Variants in CAMK2D observed in about 807,000 individuals in gnomAD.
The protein encoded by CAMK2D is calcium/calmodulin dependent protein kinase II delta, also known as calcium/calmodulin-dependent protein kinase type II subunit delta.
CAMK2D carries 37 observed loss-of-function variants against 84.0 expected under a neutral mutation model. The observed-to-expected ratio is 0.44, with a 90% CI of 0.34 to 0.58. The LOEUF is 0.58. CAMK2D is among the 20% of genes least tolerant of loss of function. CAMK2D has a pLI of 0.02. For synonymous variants in CAMK2D, 202 were observed against 212.5 expected (o/e 0.95, Z 0.43); for missense variants, 448 against 652.5 (o/e 0.69, Z 3.41).
intron 4 of CAMK2D, among the ~76,000 whole-genome samples, chr4:113,557,251 G>A (rs1266308091): frequency 6.6e-6 from 1 of 151,982 alleles, no homozygotes; most frequent in Non-Finnish European, 1.5e-5. Flanking sequence ...AGCTTTAAAT[G>A]TACATCCAAT....
intron 3 of CAMK2D, among the ~76,000 whole-genome samples, chr4:113,652,681 G>A (rs910661376): frequency 1.3e-5 from 2 of 152,100 alleles, no homozygotes. Context: ...CTTCTGAGCT[G>A]AAGAAATTAC....
chr4:113,513,114 A>G, intron 12 of CAMK2D: 3 of 957,266 alleles, frequency 3.1e-6, no homozygotes, highest in Non-Finnish European at 3.7e-6. Context: ...CAGTCTTGTG[A>G]GGGGTTCAGT....
At chr4:113,604,140 G>A (rs964437034) in intron 4 of CAMK2D, among the ~76,000 whole-genome samples, 2 of 152,032 alleles carry the variant, frequency 1.3e-5, no homozygotes, top group African/African-American at 4.8e-5. Flanking sequence ...ATCATCAAAA[G>A]GAGGAACACA....
intron 16 of CAMK2D, among the ~76,000 whole-genome samples, chr4:113,484,365 C>G (rs950503559): frequency 3.9e-5 from 6 of 152,104 alleles, no homozygotes; most frequent in African/African-American, 1.2e-4. Context: ...TAATTCCTGT[C>G]AAAGTGCTTG....
chr4:113,676,626 C>T (rs961622694), intron 2 of CAMK2D, among the ~76,000 whole-genome samples: 2 of 152,178 alleles, frequency 1.3e-5, no homozygotes, highest in African/African-American at 4.8e-5. Context: ...ACTTGAAAAA[C>T]AGCAGGTACA....
intron 16 of CAMK2D, among the ~76,000 whole-genome samples, chr4:113,476,621 G>C (rs984669640): frequency 6.6e-6 from 1 of 152,088 alleles, no homozygotes; most frequent in Non-Finnish European, 1.5e-5. Flanking sequence ...TTAGAATTAT[G>C]GTAGAGTCTT....
chr4:113,500,653 A>AT, intron 15 of CAMK2D, 142 bp from the exon 16 acceptor site: 1 of 528,854 alleles, frequency 1.9e-6, no homozygotes, highest in Non-Finnish European at 3.4e-6. Context: ...GGACAAACAC[A>AT]TTAAGTGGTT....
intron 2 of CAMK2D, among the ~76,000 whole-genome samples, chr4:113,725,170 T>C (rs1426527339): frequency 2.6e-5 from 4 of 151,934 alleles, no homozygotes; most frequent in Admixed American, 6.6e-5. Context: ...ATTCTGAAAA[T>C]AGATTGTGGG....
chr4:113,614,855 A>G (rs565811907), intron 3 of CAMK2D, among the ~76,000 whole-genome samples: 1 of 152,222 alleles, frequency 6.6e-6, no homozygotes, highest in Non-Finnish European at 1.5e-5. Flanking sequence ...GCAGAAAAAA[A>G]GAATGAGTCT....
At chr4:113,704,955 GA>G (rs1273909520) in intron 2 of CAMK2D, among the ~76,000 whole-genome samples, 7 of 151,666 alleles carry the variant, frequency 4.6e-5, no homozygotes, top group Non-Finnish European at 8.8e-5. Flanking sequence ...AAAAAATGAA[GA>G]GCAGATTTCT....
At chr4:113,640,700 C>G (rs981353476) in intron 3 of CAMK2D, among the ~76,000 whole-genome samples, 4 of 152,058 alleles carry the variant, frequency 2.6e-5, no homozygotes, top group Non-Finnish European at 4.4e-5. Context: ...ATAGAAGAAG[C>G]CTGAAAGCAG....
rs368367698 is a variant in CAMK2D at position 113,503,112 on chromosome 4, C to CA, written c.1045-136dup. The CA allele has an allele frequency of 7.2e-4, 543 of 752,578 alleles. 1 individual carries two copies. The highest frequency in any genetic ancestry group is 1.2e-3 in the Non-Finnish European group (481 of 411,032). The allele number at this position is 752,578 out of a possible 1,614,324, so 46.6% of individuals were successfully genotyped here. On this transcript the variant is annotated intron_variant, in intron 14 of 20. Coordinates refer to ENST00000511664, the MANE Select transcript of CAMK2D (RefSeq NM_001321571.2). ...GAGCTAAAGCGATGTTAACTGCTGT[C>CA]AGAGTTGCAGCTGACAATATCTCTG...
At chr4:113,502,591 T>C (rs2098067772) in intron 15 of CAMK2D, among the ~76,000 whole-genome samples, 1 of 149,296 alleles carries the variant, frequency 6.7e-6, no homozygotes, top group Non-Finnish European at 1.5e-5. Flanking sequence ...AATTCTAAAA[T>C]ATCATGCACA....
intron 13 of CAMK2D, 88 bp downstream of exon 13, chr4:113,509,550 T>G (rs1000327978): frequency 3.6e-5 from 30 of 842,900 alleles, no homozygotes; most frequent in Non-Finnish European, 5.3e-5. Context: ...AAATAGAACT[T>G]GCAAAGACTT....
Position 113,505,027 on chromosome 4 carries a change from G to A in CAMK2D, c.993C>T (p.Asn331=). The change falls in exon 14 of 21, where the codon AAC becomes AAT. Residue 331 remains asparagine, a synonymous_variant. Coordinates refer to ENST00000511664, the MANE Select transcript of CAMK2D (RefSeq NM_001321571.2). ...LKKPDGVKIN[N]KANVVTSPKE... ...TGGGGCTGGTTACCACGTTGGCTTT[G>A]TTGTTTATCTGTGGGTATGCAGAAA... 6.3e-7 allele frequency: 1 copy of A among 1,579,520 alleles called. No individual in the cohort carries two copies. The highest frequency in any genetic ancestry group is 8.5e-7 in the Non-Finnish European group (1 of 1,169,840).
intron 17 of CAMK2D, among the ~76,000 whole-genome samples, chr4:113,462,286 GTGTGTGTGTC>G (rs1378226660): frequency 4.7e-5 from 4 of 85,988 alleles, no homozygotes; most frequent in Admixed American, 1.3e-4. Flanking sequence ...GTGTGTGTGT[GTGTGTGTGTC>G]TGTCTGTCTG....
At chr4:113,559,370 T>A (rs962623116) in intron 4 of CAMK2D, among the ~76,000 whole-genome samples, 3 of 152,250 alleles carry the variant, frequency 2.0e-5, no homozygotes, top group African/African-American at 7.2e-5. Flanking sequence ...TTTATCTATA[T>A]GTTAAAATCA....
At chr4:113,684,446 TG>T (rs1269551999) in intron 2 of CAMK2D, among the ~76,000 whole-genome samples, 1 of 152,216 alleles carries the variant, frequency 6.6e-6, no homozygotes, top group Non-Finnish European at 1.5e-5. Flanking sequence ...CAACCTTGTA[TG>T]TACTGTATGT....
Position 113,736,063 on chromosome 4 carries a change from C to G in CAMK2D, c.160+23257G>C, listed in dbSNP as rs569399420. ...TACAAAGAAGTATGTAATCTACAAC[C>G]CATACTGAATTTGAAATCTAAAACC... On this transcript the variant is annotated intron_variant, in intron 2 of 20. Coordinates refer to ENST00000511664, the MANE Select transcript of CAMK2D (RefSeq NM_001321571.2). 8.1e-4 allele frequency among the ~76,000 whole-genome samples: 122 copies of G among 151,462 alleles called. 1 individual carries two copies. The South Asian group carries it at 0.011, about 14-fold the overall frequency.
Sources: gnomAD v4.1 joint callset for allele counts (sites outside exome capture counted in the v4.1 genomes callset) on GRCh38, gnomAD v4.1.1 for gene constraint, MANE v1.5 for transcripts, NCBI Gene and HGNC (gene_info 2026-07-23, HGNC 2026-07-21) for gene names.